The following SLC24A2 variants were observed in gnomAD, a reference collection of about 807,000 sequenced individuals.
The protein encoded by SLC24A2 is sodium/potassium/calcium exchanger 2.
In SLC24A2, 36 loss-of-function variants were observed where a neutral mutation model predicts 62.0. The observed-to-expected ratio is 0.58, with a 90% CI of 0.44 to 0.77. The LOEUF (loss-of-function observed/expected upper bound fraction) is 0.77. SLC24A2 is among the 30% of genes least tolerant of loss of function. SLC24A2 has a pLI of 0.00. For synonymous variants in SLC24A2, 358 were observed against 294.0 expected (o/e 1.22, Z -2.23); for missense variants, 846 against 817.9 (o/e 1.03, Z -0.42).
intron 2 of SLC24A2, among the ~76,000 whole-genome samples, chr9:19,714,453 T>A (rs1820801115): frequency 1.3e-5 from 2 of 152,068 alleles, no homozygotes; most frequent in African/African-American, 4.8e-5. Context: ...TAAAATAAAA[T>A]AAAATAAATC....
At chr9:19,932,255 G>A in the SLC24A2 span, among the ~76,000 whole-genome samples, 2 of 152,292 alleles carry the variant, frequency 1.3e-5, no homozygotes, top group African/African-American at 2.4e-5. Flanking sequence ...GAGTGTGTTG[G>A]GTAGAGATGA....
intron 5 of SLC24A2, among the ~76,000 whole-genome samples, chr9:19,596,214 G>C (rs1425212274): frequency 6.6e-6 from 1 of 152,184 alleles, no homozygotes; most frequent in East Asian, 1.9e-4. Flanking sequence ...TCTTTGGCAA[G>C]CTAAGGCAGC....
At chr9:19,725,519 C>T (rs1821144378) in intron 2 of SLC24A2, among the ~76,000 whole-genome samples, 1 of 152,130 alleles carries the variant, frequency 6.6e-6, no homozygotes, top group Non-Finnish European at 1.5e-5. Context: ...TGGAGGTAAA[C>T]TGTCTTCATA....
the SLC24A2 span, among the ~76,000 whole-genome samples, chr9:19,861,194 G>A: frequency 6.6e-6 from 1 of 152,150 alleles, no homozygotes; most frequent in Non-Finnish European, 1.5e-5. Context: ...GGCTACAGGG[G>A]GTGCTTGTGT....
At chr9:19,998,809 T>C in the SLC24A2 span, among the ~76,000 whole-genome samples, 1 of 152,226 alleles carries the variant, frequency 6.6e-6, no homozygotes, top group Non-Finnish European at 1.5e-5. Flanking sequence ...TGCTTGATCT[T>C]TGTTGGTGGC....
chr9:20,162,374 T>A, the SLC24A2 span, among the ~76,000 whole-genome samples: 1 of 151,714 alleles, frequency 6.6e-6, no homozygotes. Context: ...TAAACTTGTA[T>A]GAAGCAAATC....
the SLC24A2 span, among the ~76,000 whole-genome samples, chr9:20,278,108 A>T: frequency 6.6e-6 from 1 of 152,118 alleles, no homozygotes; most frequent in Non-Finnish European, 1.5e-5. Flanking sequence ...AGGGGGAGGG[A>T]TAGCATTAGG....
chr9:19,798,443 A>T, the SLC24A2 span, among the ~76,000 whole-genome samples: 3 of 152,194 alleles, frequency 2.0e-5, no homozygotes, highest in African/African-American at 7.2e-5. Flanking sequence ...AGATTTTCTT[A>T]CTTGTACAAT....
At chr9:19,640,601 T>A (rs565841362) in intron 2 of SLC24A2, among the ~76,000 whole-genome samples, 8 of 152,278 alleles carry the variant, frequency 5.3e-5, no homozygotes, top group African/African-American at 1.9e-4. Context: ...ATAAATAACA[T>A]AATGCAATAT....
chr9:20,220,884 G>A, the SLC24A2 span, among the ~76,000 whole-genome samples: 1 of 151,976 alleles, frequency 6.6e-6, no homozygotes. Context: ...ACCTCTAAAG[G>A]AAATGACCAA....
intron 2 of SLC24A2, among the ~76,000 whole-genome samples, chr9:19,674,007 T>TA (rs1349973509): frequency 6.6e-6 from 1 of 152,230 alleles, no homozygotes; most frequent in African/African-American, 2.4e-5. Context: ...TATTTTGGTG[T>TA]ATTTCAAGGA....
chr9:19,649,854 C>G lies in SLC24A2; in HGVS notation c.931-27555G>C, dbSNP rs193282031. On this transcript the variant is annotated intron_variant, in intron 2 of 10. Coordinates refer to ENST00000341998, the MANE Select transcript of SLC24A2 (RefSeq NM_020344.4). ...GAATGACACAATATAGGAGCTATCC[C>G]TCCAAATTAGGTCTGAATTCAGAGC... Among the ~76,000 whole-genome samples the G allele has an allele frequency of 6.6e-5, 10 of 152,348 alleles. No individual in the cohort carries two copies. In the East Asian group the frequency reaches 1.7e-3, roughly 26 times the overall value.
the SLC24A2 span, among the ~76,000 whole-genome samples, chr9:20,145,935 G>T: frequency 1.8e-5 from 1 of 54,196 alleles, no homozygotes; most frequent in Non-Finnish European, 5.0e-5. Context: ...ATTTTATTTT[G>T]TATATCTTGT....
At chr9:19,892,113 A>T in the SLC24A2 span, among the ~76,000 whole-genome samples, 21 of 152,158 alleles carry the variant, frequency 1.4e-4, no homozygotes, top group Non-Finnish European at 1.9e-4. Flanking sequence ...ATGACTAACT[A>T]GTTGTACTTC....
chr9:20,082,196 A>G, the SLC24A2 span, among the ~76,000 whole-genome samples: 4 of 152,206 alleles, frequency 2.6e-5, no homozygotes, highest in Non-Finnish European at 1.5e-5. Flanking sequence ...GGAATTAAGA[A>G]TACAAACTTG....
At chr9:19,538,677 T>A (rs1419720803) in intron 8 of SLC24A2, among the ~76,000 whole-genome samples, 2 of 131,652 alleles carry the variant, frequency 1.5e-5, no homozygotes, top group Non-Finnish European at 3.2e-5. Context: ...TTTTTGGTTG[T>A]GTCTCTGCCC....
At chr9:19,914,427 T>C in the SLC24A2 span, among the ~76,000 whole-genome samples, 5 of 152,110 alleles carry the variant, frequency 3.3e-5, no homozygotes, top group African/African-American at 1.2e-4. Context: ...TCAATTGCTC[T>C]CTCCCACAAC....
intron 2 of SLC24A2, among the ~76,000 whole-genome samples, chr9:19,636,074 T>C (rs1020556690): frequency 1.3e-5 from 2 of 152,202 alleles, no homozygotes; most frequent in Non-Finnish European, 2.9e-5. Flanking sequence ...ATCTCCTTCC[T>C]TCCCTACTTT....
the SLC24A2 span, among the ~76,000 whole-genome samples, chr9:19,891,002 A>C: frequency 1.3e-5 from 2 of 152,158 alleles, no homozygotes; most frequent in Non-Finnish European, 2.9e-5. Context: ...TTCTCTGATC[A>C]TCTCCTACCC....
Sources: allele counts gnomAD v4.1 joint callset (sites outside exome capture counted in the v4.1 genomes callset), GRCh38; gene constraint gnomAD v4.1.1; transcripts MANE v1.5; gene names NCBI Gene and HGNC (gene_info 2026-07-23, HGNC 2026-07-21).